The following DOCK5 variants were observed in gnomAD, a reference collection of about 807,000 sequenced individuals.
The protein encoded by DOCK5 is dedicator of cytokinesis protein 5.
Under a neutral mutation model 251.8 loss-of-function variants are expected in DOCK5, and 142 were observed. The observed-to-expected ratio is 0.56, with a 90% CI of 0.49 to 0.65. The LOEUF is 0.65. Among genes scored for constraint, DOCK5 ranks in the 30% least tolerant of loss-of-function variants. The pLI, the probability that DOCK5 is intolerant of heterozygous loss-of-function variation, is 0.00. For synonymous variants in DOCK5, 842 were observed against 835.5 expected (o/e 1.01, Z -0.13); for missense variants, 2,111 against 2,312.3 (o/e 0.91, Z 1.79).
intron 10 of DOCK5, among the ~76,000 whole-genome samples, 171 bp from the exon 11 acceptor site, chr8:25,304,083 TG>T (rs1232566418): frequency 6.6e-6 from 1 of 152,248 alleles, no homozygotes; most frequent in African/African-American, 2.4e-5. Context: ...GTCACTTTTT[TG>T]CTGGGCTAGG....
intron 27 of DOCK5, among the ~76,000 whole-genome samples, chr8:25,354,208 A>G (rs944124755): frequency 6.6e-6 from 1 of 152,120 alleles, no homozygotes; most frequent in Non-Finnish European, 1.5e-5. Context: ...ATCAAGATGG[A>G]AAAAAACAGG....
At chr8:25,345,268 T>G (rs62502280) in intron 25 of DOCK5, 2 of 395,976 alleles carry the variant, frequency 5.1e-6, no homozygotes, top group Non-Finnish European at 8.8e-6. Context: ...TTTTTTTTTT[T>G]AATTCATTCA....
At chr8:25,344,375 G>A (rs193268747) in intron 25 of DOCK5, among the ~76,000 whole-genome samples, 2 of 152,262 alleles carry the variant, frequency 1.3e-5, no homozygotes, top group East Asian at 3.9e-4. Context: ...CCTGGTCAGG[G>A]GCTCCCAGAG....
chr8:25,396,007 A>G, intron 45 of DOCK5: 2 of 466,870 alleles, frequency 4.3e-6, no homozygotes, highest in Non-Finnish European at 7.9e-6. Flanking sequence ...ATACAAACTG[A>G]TTGGTGGACC....
intron 13 of DOCK5, among the ~76,000 whole-genome samples, chr8:25,312,728 G>A (rs553164265): frequency 6.2e-4 from 86 of 138,530 alleles, no homozygotes; most frequent in African/African-American, 2.1e-3. Context: ...GCACCACCGC[G>A]CTCCAGCATG....
intron 1 of DOCK5, among the ~76,000 whole-genome samples, chr8:25,185,233 G>A (rs1054196135): frequency 1.3e-5 from 2 of 152,172 alleles, no homozygotes; most frequent in Non-Finnish European, 2.9e-5. Flanking sequence ...CCAGGGAAAT[G>A]TCAACGCGAG....
At chr8:25,301,976 T>G (rs998497883) in intron 9 of DOCK5, among the ~76,000 whole-genome samples, 3 of 152,238 alleles carry the variant, frequency 2.0e-5, no homozygotes, top group Non-Finnish European at 4.4e-5. Flanking sequence ...AAATGCATCC[T>G]GTGCTGAGAT....
chr8:25,373,147 G>A (rs770161396), intron 35 of DOCK5, among the ~76,000 whole-genome samples: 23 of 152,020 alleles, frequency 1.5e-4, no homozygotes, highest in Non-Finnish European at 1.8e-4. Context: ...TTACAGGCAC[G>A]CGCCACCATG....
chr8:25,361,731 G>A (rs1385695786), intron 28 of DOCK5, among the ~76,000 whole-genome samples: 1 of 152,176 alleles, frequency 6.6e-6, no homozygotes, highest in Non-Finnish European at 1.5e-5. Context: ...AAAACCAGGG[G>A]AGAATCCACA....
At chr8:25,329,896 A>G (rs564108590) in intron 18 of DOCK5, among the ~76,000 whole-genome samples, 12 of 152,322 alleles carry the variant, frequency 7.9e-5, no homozygotes, top group African/African-American at 1.9e-4. Context: ...CACAGCAAGC[A>G]TGGGGCTCTT....
intron 37 of DOCK5, chr8:25,376,318 G>C: frequency 1.0e-6 from 1 of 985,364 alleles, no homozygotes; most frequent in Non-Finnish European, 1.2e-6. Context: ...CTATTCAATA[G>C]AGATGCTGTT....
rs1163328359 is a variant in DOCK5, at chr8:25,334,153, GA to G, written c.2152del (p.Thr718ProfsTer14). The stretch of plus-strand genomic sequence containing the variant: ...GTTCCAGCATTTTAATCCTGTACTT[GA>G]AACCTACATTTACAAGCACTTCAGC... ...IKFQHFNPVLETYIYKHFSAT... is the reference protein window; with the variant it reads ...IKFQHFNPVLXTYIYKHFSAT... On this transcript the variant is annotated frameshift_variant, in exon 21 of 52. Transcript: ENST00000276440. LOFTEE classifies it high-confidence loss of function. The G allele has an allele frequency of 6.2e-7, 1 of 1,613,818 alleles. No individual in the cohort carries two copies. The highest frequency in any genetic ancestry group is 1.7e-5 in the Admixed American group (1 of 59,994).
At chr8:25,274,003 G>A (rs1388249954) in intron 3 of DOCK5, among the ~76,000 whole-genome samples, 1 of 152,176 alleles carries the variant, frequency 6.6e-6, no homozygotes, top group Admixed American at 6.5e-5. Context: ...GGGGCTTTGT[G>A]TCTGGTGGGG....
chr8:25,410,155 C>G lies in DOCK5; in HGVS notation c.5461C>G (p.Pro1821Ala), dbSNP rs370116101. 7.6e-5 allele frequency: 122 copies of G among 1,613,372 alleles called. No individual in the cohort carries two copies. Among genetic ancestry groups the G allele is most frequent in the Non-Finnish European group, 9.6e-5 (113 of 1,179,744 alleles). ...GGCCACTCCTGTCCCACCTCCACCTCCCCCCAAAAGCAAGCCCTATGAAGG... is the reference window on the plus strand; with the variant it reads ...GGCCACTCCTGTCCCACCTCCACCTGCCCCCAAAAGCAAGCCCTATGAAGG... ...IAATPVPPPPPPKSKPYEGSQ... is the reference protein window; with the variant it reads ...IAATPVPPPPAPKSKPYEGSQ... The change falls in exon 51 of 52, where the codon CCC (proline) becomes GCC (alanine). Residue 1821 changes from proline to alanine, a missense_variant. Coordinates refer to ENST00000276440, the MANE Select transcript of DOCK5 (RefSeq NM_024940.8).
chr8:25,320,882 G>A, intron 15 of DOCK5, 98 bp from the exon 16 acceptor site: 1 of 1,005,406 alleles, frequency 9.9e-7, no homozygotes, highest in Non-Finnish European at 1.5e-6. Flanking sequence ...AGTAATTTGT[G>A]CTGTGGAAAG....
intron 1 of DOCK5, among the ~76,000 whole-genome samples, chr8:25,225,489 T>G (rs113795222): frequency 0.086 from 13,042 of 152,132 alleles, 1,515 homozygotes; most frequent in African/African-American, 0.27. Context: ...GGCGGATCAC[T>G]AGGTAAAGAG....
intron 13 of DOCK5, among the ~76,000 whole-genome samples, chr8:25,314,948 T>C (rs930175051): frequency 6.7e-6 from 1 of 149,914 alleles, no homozygotes; most frequent in Non-Finnish European, 1.5e-5. Context: ...GGAGCTACGA[T>C]GACCTCTTCC....
chr8:25,277,742 C>A (rs1006505681), intron 4 of DOCK5, among the ~76,000 whole-genome samples: 3 of 152,142 alleles, frequency 2.0e-5, no homozygotes, highest in African/African-American at 7.2e-5. Flanking sequence ...GTTACATTGG[C>A]AATTCAAATA....
Position 25,191,578 on chromosome 8 carries a change from T to C in DOCK5, c.43+6627T>C, listed in dbSNP as rs75781657. Among the ~76,000 whole-genome samples the C allele has an allele frequency of 5.9e-3, 892 of 152,294 alleles. 11 individuals are homozygous for C. The highest frequency in any genetic ancestry group is 0.02 in the African/African-American group (848 of 41,566). On this transcript the variant is annotated intron_variant, in intron 1 of 51. Coordinates refer to ENST00000276440, the MANE Select transcript of DOCK5 (RefSeq NM_024940.8). The stretch of plus-strand genomic sequence containing the variant: ...GCTCTTTGGTGGTTCTCAGTAACTT[T>C]TAAGCAAGTAAAGGGGTTCTGAGAC...
Sources: gnomAD v4.1 joint callset for allele counts (sites outside exome capture counted in the v4.1 genomes callset) on GRCh38, gnomAD v4.1.1 for gene constraint, MANE v1.5 for transcripts, NCBI Gene and HGNC (gene_info 2026-07-23, HGNC 2026-07-21) for gene names.